RBFOX1: variants seen among roughly 807,000 people sequenced by gnomAD.
RBFOX1 encodes RNA binding fox-1 homolog 1.
Under a neutral mutation model 57.7 loss-of-function variants are expected in RBFOX1, and 8 were observed. The observed-to-expected ratio is 0.14, with a 90% CI of 0.08 to 0.25. RBFOX1 has a LOEUF of 0.25. Ranked by LOEUF, RBFOX1 falls within the 10% of genes least tolerant of loss-of-function variation. The pLI is 1.00. For missense variants in RBFOX1, 611 were observed against 548.5 expected (o/e 1.11, Z -1.14); for synonymous variants, 326 against 222.4 (o/e 1.47, Z -4.15).
chr16:5,813,743 G>C (rs1009564228), intron 3 of RBFOX1, among the ~76,000 whole-genome samples: 3 of 152,194 alleles, frequency 2.0e-5, no homozygotes, highest in African/African-American at 7.2e-5. Context: ...AGAGCTACTG[G>C]CATCAGCACG....
At chr16:5,381,198 TAG>T (rs1488657422) in intron 1 of RBFOX1, among the ~76,000 whole-genome samples, 1 of 152,202 alleles carries the variant, frequency 6.6e-6, no homozygotes, top group Non-Finnish European at 1.5e-5. Context: ...TTTATCTGTA[TAG>T]AGAGAGACTC....
chr16:7,636,066 G>A (rs2061706784), intron 11 of RBFOX1, among the ~76,000 whole-genome samples: 1 of 152,212 alleles, frequency 6.6e-6, no homozygotes, highest in African/African-American at 2.4e-5. Flanking sequence ...CGCCTTGGCC[G>A]CCCACAGTGG....
At chr16:5,991,825 T>C (rs1478958624) in intron 4 of RBFOX1, among the ~76,000 whole-genome samples, 1 of 152,052 alleles carries the variant, frequency 6.6e-6, no homozygotes, top group Non-Finnish European at 1.5e-5. Context: ...CCTTAGCATG[T>C]ACCTGGTTGC....
intron 3 of RBFOX1, among the ~76,000 whole-genome samples, chr16:5,745,635 G>T (rs377424443): frequency 6.6e-6 from 1 of 152,130 alleles, no homozygotes; most frequent in Non-Finnish European, 1.5e-5. Context: ...GATCGCCATT[G>T]TAACTGGTGT....
rs117115410 is a variant in RBFOX1, at chr16:6,547,360, C to G, written c.-63-107243C>G. Among the ~76,000 whole-genome samples, 151 of 152,216 alleles carry G rather than the reference C, an allele frequency of 9.9e-4. 1 individual carries two copies. Among genetic ancestry groups the G allele is most frequent in the Non-Finnish European group, 1.9e-3 (129 of 68,020 alleles). On this transcript the variant is annotated intron_variant, in intron 2 of 15. Transcript: ENST00000550418. ...ATTTTCTATACAAATGATTTTTGCT[C>G]TCCTTCCTGAGGATAATTAACTAAG... is the stretch of plus-strand genomic sequence containing the variant.
intron 3 of RBFOX1, among the ~76,000 whole-genome samples, chr16:6,787,945 G>A (rs12919708): frequency 0.45 from 68,110 of 151,996 alleles, 15,853 homozygotes; most frequent in East Asian, 0.55. Context: ...CAATGAGGCC[G>A]GGCACGGTGG....
At chr16:6,263,120 C>T (rs2097711258) in intron 1 of RBFOX1, among the ~76,000 whole-genome samples, 1 of 152,102 alleles carries the variant, frequency 6.6e-6, no homozygotes. Flanking sequence ...CAGAGTGCGC[C>T]TGTGGGTTGA....
chr16:7,697,340 C>G (rs927604496), intron 14 of RBFOX1, among the ~76,000 whole-genome samples: 2 of 152,112 alleles, frequency 1.3e-5, no homozygotes, highest in African/African-American at 4.8e-5. Flanking sequence ...CACTCTTGTT[C>G]TAAGGGTCTA....
chr16:6,592,421 G>T (rs1201329449), intron 2 of RBFOX1, among the ~76,000 whole-genome samples: 1 of 152,208 alleles, frequency 6.6e-6, no homozygotes, highest in Non-Finnish European at 1.5e-5. Context: ...ACAGGAACAA[G>T]AGTGTCATAT....
At chr16:5,751,719 A>C (rs1348404309) in intron 3 of RBFOX1, among the ~76,000 whole-genome samples, 1 of 152,184 alleles carries the variant, frequency 6.6e-6, no homozygotes, top group Non-Finnish European at 1.5e-5. Context: ...AATATCCACT[A>C]TTGCAATTAA....
intron 1 of RBFOX1, among the ~76,000 whole-genome samples, chr16:6,166,511 T>C (rs1193148510): frequency 6.6e-6 from 1 of 152,306 alleles, no homozygotes; most frequent in South Asian, 2.1e-4. Flanking sequence ...CTCTGTTTTC[T>C]TTTTCCATGT....
chr16:6,582,264 CTAT>C (rs1235479453), intron 2 of RBFOX1, among the ~76,000 whole-genome samples: 12 of 152,124 alleles, frequency 7.9e-5, no homozygotes, highest in Non-Finnish European at 1.3e-4. Context: ...TTATGATTAG[CTAT>C]TATTTCTCAG....
chr16:6,926,033 G>C (rs1018813138), intron 3 of RBFOX1, among the ~76,000 whole-genome samples: 1 of 152,106 alleles, frequency 6.6e-6, no homozygotes, highest in Non-Finnish European at 1.5e-5. Flanking sequence ...TGCTGGCTGG[G>C]CTTGGTGGCT....
intron 2 of RBFOX1, among the ~76,000 whole-genome samples, chr16:6,318,783 C>G (rs141941972): frequency 1.6e-3 from 241 of 151,978 alleles, no homozygotes; most frequent in African/African-American, 5.3e-3. Flanking sequence ...TAATTTACTG[C>G]TCTAAACCAG....
At chr16:6,675,262 A>T (rs762636466) in intron 3 of RBFOX1, among the ~76,000 whole-genome samples, 1 of 152,188 alleles carries the variant, frequency 6.6e-6, no homozygotes, top group East Asian at 1.9e-4. Context: ...TCCCTAGGGA[A>T]CTAACATATT....
chr16:6,218,500 G>A (rs1658422304), intron 1 of RBFOX1, among the ~76,000 whole-genome samples: 1 of 151,926 alleles, frequency 6.6e-6, no homozygotes, highest in Non-Finnish European at 1.5e-5. Context: ...AGTAGAGATG[G>A]GATTCTACCC....
chr16:7,098,490 T>C (rs879926160), intron 4 of RBFOX1, among the ~76,000 whole-genome samples: 9 of 152,194 alleles, frequency 5.9e-5, no homozygotes, highest in Non-Finnish European at 8.8e-5. Context: ...CTTATTCTAT[T>C]CATTCATTTG....
intron 3 of RBFOX1, among the ~76,000 whole-genome samples, chr16:6,670,223 C>T (rs1226512568): frequency 6.6e-6 from 1 of 152,000 alleles, no homozygotes; most frequent in Non-Finnish European, 1.5e-5. Flanking sequence ...ACCGTTATGC[C>T]TGGCTATGTT....
chr16:6,702,626 T>C (rs998657755), intron 3 of RBFOX1, among the ~76,000 whole-genome samples: 1 of 152,172 alleles, frequency 6.6e-6, no homozygotes, highest in Non-Finnish European at 1.5e-5. Context: ...GAAGACTAAA[T>C]GAGGTCATAC....
Sources: allele counts gnomAD v4.1 joint callset (sites outside exome capture counted in the v4.1 genomes callset), GRCh38; gene constraint gnomAD v4.1.1; transcripts MANE v1.5; gene names NCBI Gene and HGNC (gene_info 2026-07-23, HGNC 2026-07-21).